The following ZFHX3 variants were observed in gnomAD, a reference collection of about 807,000 sequenced individuals.
The protein encoded by ZFHX3 is zinc finger homeobox protein 3.
In ZFHX3, 42 loss-of-function variants were observed where a neutral mutation model predicts 279.1. The observed-to-expected ratio is 0.15, with a 90% CI of 0.12 to 0.19. The LOEUF (loss-of-function observed/expected upper bound fraction) is 0.19, where lower values mean the gene tolerates loss of function less well. Among genes scored for constraint, ZFHX3 ranks in the 10% least tolerant of loss-of-function variants. ZFHX3 has a pLI of 1.00. For synonymous variants in ZFHX3, 2,293 were observed against 1,957.8 expected (o/e 1.17, Z -4.52); for missense variants, 4,981 against 4,754.0 (o/e 1.05, Z -1.40).
At chr16:73,845,250 A>C (rs1174490516) in intron 1 of ZFHX3, among the ~76,000 whole-genome samples, 1 of 152,204 alleles carries the variant, frequency 6.6e-6, no homozygotes, top group East Asian at 1.9e-4. Context: ...TGAGAGTGTG[A>C]AGATGATTTG....
intron 5 of ZFHX3, among the ~76,000 whole-genome samples, chr16:72,827,757 C>A (rs1342895599): frequency 3.3e-5 from 5 of 152,196 alleles, no homozygotes; most frequent in South Asian, 2.1e-4. Flanking sequence ...CCTTACACAT[C>A]GCCTAGGGTG....
At chr16:72,862,164 G>A (rs766153355) in intron 4 of ZFHX3, among the ~76,000 whole-genome samples, 38 of 152,168 alleles carry the variant, frequency 2.5e-4, no homozygotes, top group Non-Finnish European at 4.7e-4. Flanking sequence ...GGCCACTGCT[G>A]AATACCTCCA....
intron 2 of ZFHX3, among the ~76,000 whole-genome samples, chr16:73,669,050 A>ATTTTTTTTTTTTT (rs77659765): frequency 1.3e-5 from 2 of 149,048 alleles, no homozygotes; most frequent in African/African-American, 2.5e-5. Flanking sequence ...TCTATTTATT[A>ATTTTTTTTTTTTT]TTTTTTTTCT....
chr16:73,054,574 A>T (rs1322326946), intron 1 of ZFHX3, among the ~76,000 whole-genome samples: 34 of 151,838 alleles, frequency 2.2e-4, no homozygotes, highest in Admixed American at 2.2e-3. Flanking sequence ...CTAAAATGAA[A>T]ATTAATTTTT....
intron 1 of ZFHX3, among the ~76,000 whole-genome samples, chr16:73,055,255 T>C (rs1965523557): frequency 6.6e-6 from 1 of 152,120 alleles, no homozygotes. Flanking sequence ...ATAGGGTTTT[T>C]TTCTCCCCCT....
chr16:73,813,349 G>C (rs1960476608), intron 1 of ZFHX3, among the ~76,000 whole-genome samples: 1 of 151,818 alleles, frequency 6.6e-6, no homozygotes, highest in Non-Finnish European at 1.5e-5. Flanking sequence ...CAGCATACTA[G>C]TTCCCCATAG....
intron 3 of ZFHX3, among the ~76,000 whole-genome samples, chr16:73,442,475 T>A (rs1024974049): frequency 1.3e-5 from 2 of 151,250 alleles, no homozygotes; most frequent in Non-Finnish European, 2.9e-5. Context: ...CTTTTTTAAA[T>A]TAAAAAAAAA....
intron 7 of ZFHX3, among the ~76,000 whole-genome samples, chr16:73,111,078 G>A (rs1399012291): frequency 6.6e-6 from 1 of 151,968 alleles, no homozygotes; most frequent in Non-Finnish European, 1.5e-5. Context: ...GTAGCTGGGA[G>A]TACAGGTGCG....
chr16:73,139,148 TACA>T lies in ZFHX3; in HGVS notation c.-1024+4601_-1024+4603del, dbSNP rs140678208. On this transcript the variant is annotated intron_variant, in intron 6 of 17. Coordinates refer to the ZFHX3 transcript ENST00000641206. ...CAAAGATGTCCATCATTTCATTGTT[TACA>T]ACATCACTGCTCATTAATAGGGAAT... 2.3e-3 allele frequency among the ~76,000 whole-genome samples: 344 copies of T among 152,362 alleles called. 2 individuals are homozygous for T. Among genetic ancestry groups the T allele is most frequent in the South Asian group, 9.5e-3 (46 of 4,824 alleles).
At chr16:73,192,675 C>G (rs1002199335) in intron 5 of ZFHX3, among the ~76,000 whole-genome samples, 2 of 152,140 alleles carry the variant, frequency 1.3e-5, no homozygotes, top group Non-Finnish European at 2.9e-5. Context: ...TGAAGAAGCC[C>G]GTGGAGCACC....
intron 5 of ZFHX3, among the ~76,000 whole-genome samples, chr16:73,185,881 G>A (rs755502611): frequency 1.6e-4 from 24 of 152,246 alleles, no homozygotes; most frequent in East Asian, 5.8e-4. Flanking sequence ...TAAGTGGTGC[G>A]CACGCAAGTG....
chr16:73,029,632 C>G (rs1365392695), intron 1 of ZFHX3, among the ~76,000 whole-genome samples: 2 of 152,158 alleles, frequency 1.3e-5, no homozygotes, highest in Admixed American at 6.5e-5. Flanking sequence ...ACCACATAAA[C>G]GGGACTTGAA....
chr16:73,160,499 T>A (rs1394651330), intron 5 of ZFHX3, among the ~76,000 whole-genome samples: 1 of 152,154 alleles, frequency 6.6e-6, no homozygotes, highest in Non-Finnish European at 1.5e-5. Flanking sequence ...TTAGCAGGTG[T>A]AGTTTTCTGT....
At chr16:72,889,591 T>G in intron 4 of ZFHX3, 140 bp downstream of exon 4, 1 of 745,666 alleles carries the variant, frequency 1.3e-6, no homozygotes, top group Non-Finnish European at 2.1e-6. Flanking sequence ...CAAAACACAA[T>G]GCTCACCTGT....
At chr16:73,749,576 C>A (rs927860378) in intron 1 of ZFHX3, among the ~76,000 whole-genome samples, 3 of 152,120 alleles carry the variant, frequency 2.0e-5, no homozygotes, top group African/African-American at 7.2e-5. Context: ...AAAAGAGATA[C>A]AGAATAACAC....
chr16:73,067,477 C>G (rs920348809), intron 8 of ZFHX3, among the ~76,000 whole-genome samples: 3 of 152,164 alleles, frequency 2.0e-5, no homozygotes, highest in Non-Finnish European at 4.4e-5. Context: ...GCTGGCTTGT[C>G]CCTGCCCCTC....
At chr16:73,626,856 T>A (rs2052421850) in intron 2 of ZFHX3, among the ~76,000 whole-genome samples, 1 of 152,236 alleles carries the variant, frequency 6.6e-6, no homozygotes, top group Non-Finnish European at 1.5e-5. Flanking sequence ...TTCATTTAAC[T>A]TGTATAATCT....
At chr16:73,555,709 G>A (rs2020268536) in intron 2 of ZFHX3, among the ~76,000 whole-genome samples, 2 of 151,968 alleles carry the variant, frequency 1.3e-5, no homozygotes, top group African/African-American at 2.4e-5. Context: ...GCGGGCACCT[G>A]TAATCCCAGC....
intron 5 of ZFHX3, among the ~76,000 whole-genome samples, chr16:72,824,439 A>C (rs1009679164): frequency 2.0e-5 from 3 of 152,248 alleles, no homozygotes; most frequent in African/African-American, 7.2e-5. Context: ...TAGAAAAATG[A>C]AAACACTCAA....
Sources: allele counts gnomAD v4.1 joint callset (sites outside exome capture counted in the v4.1 genomes callset), GRCh38; gene constraint gnomAD v4.1.1; transcripts MANE v1.5; gene names NCBI Gene and HGNC (gene_info 2026-07-23, HGNC 2026-07-21).